CENPE: variants seen among roughly 807,000 people sequenced by gnomAD.
CENPE encodes centromere-associated protein E.
CENPE carries 145 observed loss-of-function variants against 336.1 expected under a neutral mutation model. That is an observed-to-expected ratio of 0.43 (90% CI 0.38 to 0.50). The LOEUF is 0.50. Ranked by LOEUF, CENPE falls within the 20% of genes least tolerant of loss-of-function variation. The pLI, the probability that CENPE is intolerant of heterozygous loss-of-function variation, is 0.00. For missense variants in CENPE, 2,719 were observed against 3,023.3 expected, an observed-to-expected ratio of 0.90 and a Z score of 2.36; for synonymous variants, 1,013 against 984.8, an observed-to-expected ratio of 1.03 and a Z score of -0.54.
At chr4:103,130,910 C>CG (rs768633257) in intron 42 of CENPE, among the ~76,000 whole-genome samples, 1 of 94,228 alleles carries the variant, frequency 1.1e-5, no homozygotes, top group Non-Finnish European at 2.3e-5. Context: ...CTTCTACAAG[C>CG]GAAAAAAAAA....
In CENPE at chr4:103,169,248, C is replaced by CA. The variant is rs200163618; in HGVS notation, c.1647+5487dup. ...TATTTTAAAATATAGAGTCAGGAGGCAAAAAAAAAAAAGGATGAAAAGGAA... is the reference window on the plus strand; with the variant it reads ...TATTTTAAAATATAGAGTCAGGAGGCAAAAAAAAAAAAAGGATGAAAAGGAA... On this transcript the variant is annotated intron_variant, in intron 16 of 48. Coordinates refer to ENST00000265148, the MANE Select transcript of CENPE (RefSeq NM_001813.3). Among the ~76,000 whole-genome samples the CA allele has an allele frequency of 4.9e-3, 566 of 115,970 alleles. 2 individuals carry two copies. The highest frequency in any genetic ancestry group is 5.5e-3 in the Non-Finnish European group (305 of 55,488). 76.1% of individuals were successfully genotyped at this position (115,970 alleles called of 152,430 possible).
At chr4:103,179,233 GCCACAATCTTTGCAGGC>G (rs564935698) in intron 13 of CENPE, among the ~76,000 whole-genome samples, 1,614 of 152,216 alleles carry the variant, frequency 0.011, 13 homozygotes, top group South Asian at 0.026. Flanking sequence ...CAACTCCAGA[GCCACAATCTTTGCAGGC>G]CCAAGCAATC....
intron 11 of CENPE, among the ~76,000 whole-genome samples, 199 bp downstream of exon 11, chr4:103,182,563 G>C (rs904679779): frequency 1.3e-5 from 2 of 152,054 alleles, no homozygotes; most frequent in African/African-American, 4.8e-5. Context: ...ATAGTGTTGG[G>C]TGTGGCAAAA....
In CENPE at chr4:103,194,304, A is replaced by G. The variant is rs1204210296; in HGVS notation, c.628-10T>C. 1.2e-6 allele frequency: 2 copies of G among 1,612,382 alleles called. No individual in the cohort carries two copies. Among genetic ancestry groups the G allele is most frequent in the Admixed American group, 1.7e-5 (1 of 59,838 alleles). On this transcript the variant is annotated splice_polypyrimidine_tract_variant and intron_variant, in intron 7 of 48. Coordinates refer to ENST00000265148, the MANE Select transcript of CENPE (RefSeq NM_001813.3). The stretch of plus-strand genomic sequence containing the variant: ...CTCTGCTTTCCAAAATCTAGATAGA[A>G]AAGGCAAGCTGTAGAAAAATTAGTG...
At position 103,140,038 on chromosome 4, in the gene CENPE, C is replaced by T. The variant is rs749168325; in HGVS notation, c.5955G>A (p.Val1985=). The change falls in exon 38 of 49, where the codon GTG becomes GTA. Residue 1985 remains valine, a synonymous_variant. Transcript: ENST00000265148. ...LQKKELQLLR[V]KEDVNMSHKK... The stretch of plus-strand genomic sequence containing the variant: ...TATGACTCATATTGACATCTTCTTT[C>T]ACTCTAAGCAGTTGAAGTTCTTTTT... 15 of 1,609,638 alleles carry T rather than the reference C, an allele frequency of 9.3e-6. No homozygotes were observed. In the Admixed American group the frequency reaches 1.0e-4, roughly 11 times the overall value.
intron 44 of CENPE, among the ~76,000 whole-genome samples, chr4:103,117,351 T>C (rs574675692): frequency 2.0e-4 from 31 of 152,334 alleles, no homozygotes; most frequent in Non-Finnish European, 3.5e-4. Context: ...TTATTTGTAT[T>C]GTACATTCTG....
At chr4:103,176,360 T>C (rs1170177279) in intron 14 of CENPE, among the ~76,000 whole-genome samples, 1 of 152,120 alleles carries the variant, frequency 6.6e-6, no homozygotes, top group Non-Finnish European at 1.5e-5. Flanking sequence ...CCCAACAGAC[T>C]GTACTATTGA....
rs1753099797 is a variant in CENPE at position 103,146,889 on chromosome 4, A to G, written c.4134+467T>C. ...GTGGCAGTGTGGAGAGAAAAGCAGG[A>G]TGACTTTTAAAATACACACTCAAAT... On this transcript the variant is annotated intron_variant, in intron 29 of 48. Coordinates refer to ENST00000265148, the MANE Select transcript of CENPE (RefSeq NM_001813.3). Among the ~76,000 whole-genome samples the G allele has an allele frequency of 2.0e-5, 3 of 152,238 alleles. No homozygotes were observed. In the South Asian group the frequency reaches 6.2e-4, roughly 32 times the overall value.
intron 39 of CENPE, among the ~76,000 whole-genome samples, chr4:103,136,850 A>C (rs1313847109): frequency 6.6e-6 from 1 of 152,188 alleles, no homozygotes; most frequent in Non-Finnish European, 1.5e-5. Flanking sequence ...TCTGCCTACA[A>C]TCTGTTTTCT....
At chr4:103,129,429 C>G (rs943140647) in intron 42 of CENPE, among the ~76,000 whole-genome samples, 1 of 152,030 alleles carries the variant, frequency 6.6e-6, no homozygotes, top group Non-Finnish European at 1.5e-5. Context: ...AACTACAGAC[C>G]AGTATCTCCC....
Position 103,145,970 on chromosome 4 carries a change from G to A in CENPE, c.4272C>T (p.Leu1424=), listed in dbSNP as rs34221220. The change falls in exon 30 of 49, where the codon CTC becomes CTT. Residue 1424 remains leucine, a synonymous_variant. Coordinates refer to ENST00000265148, the MANE Select transcript of CENPE (RefSeq NM_001813.3). ...SALLRIEIEM[L]GLSKRLQESH... ...TTTCTTGAAGTCTTTTGGACAATCC[G>A]AGCATTTCTATTTCTATCCTTAGTA... 1.7e-3 allele frequency: 2,668 copies of A among 1,613,808 alleles called. 36 individuals carry two copies. The African/African-American group carries it at 0.031, about 19-fold the overall frequency.
chr4:103,152,692 G>A (rs1025625938), intron 25 of CENPE, among the ~76,000 whole-genome samples: 1 of 152,150 alleles, frequency 6.6e-6, no homozygotes, highest in Non-Finnish European at 1.5e-5. Context: ...GGCAGTAAAA[G>A]GGAGTGTAGA....
Position 103,180,484 on chromosome 4 carries a change from A to G in CENPE, c.1084-15T>C. 1 of 1,583,070 alleles carries G rather than the reference A, an allele frequency of 6.3e-7. No homozygotes were observed. Among genetic ancestry groups the G allele is most frequent in the Non-Finnish European group, 8.6e-7 (1 of 1,162,842 alleles). ...TCTAAAGAAACCTATAGAATGCAATATTGGATTATGTTAATAATAAATGTG... is the reference window on the plus strand; with the variant it reads ...TCTAAAGAAACCTATAGAATGCAATGTTGGATTATGTTAATAATAAATGTG... On this transcript the variant is annotated splice_polypyrimidine_tract_variant and intron_variant, in intron 12 of 48. Coordinates refer to ENST00000265148, the MANE Select transcript of CENPE (RefSeq NM_001813.3).
intron 46 of CENPE, among the ~76,000 whole-genome samples, chr4:103,113,761 T>C (rs930462803): frequency 1.3e-5 from 2 of 149,616 alleles, no homozygotes; most frequent in Non-Finnish European, 3.0e-5. Context: ...CATACATATA[T>C]GCTTATAAGT....
At chr4:103,171,551 A>C (rs1238037902) in intron 16 of CENPE, among the ~76,000 whole-genome samples, 1 of 152,034 alleles carries the variant, frequency 6.6e-6, no homozygotes, top group Non-Finnish European at 1.5e-5. Flanking sequence ...AAACATCTAC[A>C]TCAAAAAAGA....
At chr4:103,189,898 G>A (rs1490376214) in intron 8 of CENPE, among the ~76,000 whole-genome samples, 5 of 152,106 alleles carry the variant, frequency 3.3e-5, no homozygotes, top group African/African-American at 4.8e-5. Context: ...AAACCCCATC[G>A]TCTCAGCCCA....
At chr4:103,186,773 T>C (rs1268596573) in intron 8 of CENPE, among the ~76,000 whole-genome samples, 3 of 152,226 alleles carry the variant, frequency 2.0e-5, no homozygotes, top group African/African-American at 7.2e-5. Context: ...CCAGTAGCTT[T>C]AGGTTCATAG....
intron 16 of CENPE, 67 bp from the exon 17 acceptor site, chr4:103,163,620 A>AG (rs1435429432): frequency 1.5e-5 from 12 of 777,866 alleles, no homozygotes; most frequent in East Asian, 9.1e-5. Context: ...AAAAAAAAAA[A>AG]AAAAAGAAAA....
At chr4:103,144,124 G>A (rs1416888996) in intron 33 of CENPE, among the ~76,000 whole-genome samples, 1 of 152,040 alleles carries the variant, frequency 6.6e-6, no homozygotes, top group Non-Finnish European at 1.5e-5. Flanking sequence ...TTTTAGTAGA[G>A]ATGGCGTTTC....
Sources: allele counts gnomAD v4.1 joint callset (sites outside exome capture counted in the v4.1 genomes callset), GRCh38; gene constraint gnomAD v4.1.1; transcripts MANE v1.5; gene names NCBI Gene and HGNC (gene_info 2026-07-23, HGNC 2026-07-21).